VEPH1: variants seen among roughly 807,000 people sequenced by gnomAD.
VEPH1 encodes the protein ventricular zone expressed PH domain containing 1.
VEPH1 carries 80 observed loss-of-function variants against 85.2 expected under a neutral mutation model. The ratio of observed to expected loss-of-function variants is 0.94; its 90% CI spans 0.78 to 1.13. The LOEUF (loss-of-function observed/expected upper bound fraction) is 1.13. VEPH1 is among the 50% of genes most tolerant of loss of function. VEPH1 has a pLI of 0.00. For synonymous variants in VEPH1, 297 were observed against 348.0 expected (o/e 0.85, Z 1.63); for missense variants, 955 against 980.5 (o/e 0.97, Z 0.35).
At chr3:157,272,315 T>TCC (rs1202190257) in intron 12 of VEPH1, among the ~76,000 whole-genome samples, 1 of 151,042 alleles carries the variant, frequency 6.6e-6, no homozygotes, top group African/African-American at 2.4e-5. Context: ...TCTCTCTCTC[T>TCC]CCCTCTCTCT....
chr3:157,301,930 A>G (rs1052038068), intron 11 of VEPH1, among the ~76,000 whole-genome samples: 3 of 152,174 alleles, frequency 2.0e-5, no homozygotes, highest in African/African-American at 7.2e-5. Flanking sequence ...CTAAAAGACA[A>G]TTCCACTGGG....
intron 6 of VEPH1, 151 bp from the exon 7 acceptor site, chr3:157,381,527 G>T (rs1728772894): frequency 2.9e-6 from 2 of 693,750 alleles, no homozygotes; most frequent in Admixed American, 2.6e-5. Flanking sequence ...CAACCAGCCT[G>T]GGCAACATGG....
rs539939582 is a variant in VEPH1, at chr3:157,466,214, G to C, written c.354+4100C>G. Among the ~76,000 whole-genome samples, 4 of 152,020 alleles carry C rather than the reference G, an allele frequency of 2.6e-5. 1 individual carries two copies. Among genetic ancestry groups the C allele is most frequent in the South Asian group, 4.1e-4 (2 of 4,826 alleles). On this transcript the variant is annotated intron_variant, in intron 3 of 13. Coordinates refer to ENST00000362010, the MANE Select transcript of VEPH1 (RefSeq NM_001167912.2). ...GATTTTTCTAGGAGCAAAAAAAAGT[G>C]GGGGGGTGGGGATGGCCAACTCCAT... is the stretch of plus-strand genomic sequence containing the variant.
At chr3:157,400,350 A>T (rs1331605226) in intron 6 of VEPH1, among the ~76,000 whole-genome samples, 1 of 152,156 alleles carries the variant, frequency 6.6e-6, no homozygotes, top group Non-Finnish European at 1.5e-5. Flanking sequence ...AGAATGCTAA[A>T]GTAAACCCCA....
At chr3:157,342,719 T>C (rs187559978) in intron 9 of VEPH1, among the ~76,000 whole-genome samples, 101 of 152,318 alleles carry the variant, frequency 6.6e-4, no homozygotes, top group Admixed American at 5.2e-3. Context: ...TCCAACAGAA[T>C]ATACATTCTT....
chr3:157,408,270 C>G (rs747627922), intron 6 of VEPH1, among the ~76,000 whole-genome samples: 6 of 152,130 alleles, frequency 3.9e-5, no homozygotes, highest in Non-Finnish European at 5.9e-5. Flanking sequence ...TATAATGACT[C>G]CATATTCCCC....
chr3:157,280,914 G>T (rs1283155629), intron 12 of VEPH1, among the ~76,000 whole-genome samples: 1 of 152,178 alleles, frequency 6.6e-6, no homozygotes, highest in Non-Finnish European at 1.5e-5. Context: ...TGGTTAAGAT[G>T]TACAAAGATG....
At chr3:157,444,066 G>T (rs559359815) in intron 4 of VEPH1, among the ~76,000 whole-genome samples, 1 of 152,144 alleles carries the variant, frequency 6.6e-6, no homozygotes, top group Non-Finnish European at 1.5e-5. Flanking sequence ...TTACTCAGAA[G>T]GGAGAGGTCA....
chr3:157,401,292 C>A (rs1730773613), intron 6 of VEPH1, among the ~76,000 whole-genome samples: 1 of 151,860 alleles, frequency 6.6e-6, no homozygotes, highest in South Asian at 2.1e-4. Context: ...AACTTTTTGC[C>A]AGGAAAAAAG....
intron 9 of VEPH1, among the ~76,000 whole-genome samples, chr3:157,352,250 A>G (rs911850398): frequency 6.6e-6 from 1 of 152,222 alleles, no homozygotes; most frequent in Non-Finnish European, 1.5e-5. Flanking sequence ...ATTTCCAGGG[A>G]TAAGTTTCTG....
chr3:157,461,628 T>G (rs1670973496), intron 3 of VEPH1, among the ~76,000 whole-genome samples: 1 of 152,070 alleles, frequency 6.6e-6, no homozygotes, highest in African/African-American at 2.4e-5. Flanking sequence ...AATCTTACAA[T>G]AAGGACAAAA....
At chr3:157,467,125 A>ATG (rs57109409) in intron 3 of VEPH1, among the ~76,000 whole-genome samples, 27,915 of 145,320 alleles carry the variant, frequency 0.19, 2,857 homozygotes, top group East Asian at 0.38. Flanking sequence ...GTGTGTGTGT[A>ATG]TGTGTGTGTG....
chr3:157,391,244 A>T (rs746257527), intron 6 of VEPH1, among the ~76,000 whole-genome samples: 9 of 152,214 alleles, frequency 5.9e-5, no homozygotes, highest in Non-Finnish European at 1.2e-4. Flanking sequence ...GCCACTGGCC[A>T]TAGAGGTTTC....
intron 9 of VEPH1, among the ~76,000 whole-genome samples, chr3:157,329,842 C>T (rs1722317504): frequency 6.6e-6 from 1 of 152,170 alleles, no homozygotes; most frequent in Admixed American, 6.5e-5. Context: ...AGTTGAATTA[C>T]CTCTGCCTCA....
At chr3:157,272,240 TCTTC>T (rs59176910) in intron 12 of VEPH1, among the ~76,000 whole-genome samples, 11,864 of 136,532 alleles carry the variant, frequency 0.087, 664 homozygotes, top group East Asian at 0.18. Flanking sequence ...TCTCTTTTCT[TCTTC>T]CTTCCTTCCT....
Position 157,271,751 on chromosome 3 carries a change from TGGAGCTGGGCA to T in VEPH1, c.2129-6100_2129-6090del, listed in dbSNP as rs578221161. On this transcript the variant is annotated intron_variant, in intron 12 of 13. Coordinates refer to ENST00000362010, the MANE Select transcript of VEPH1 (RefSeq NM_001167912.2). ...TCACTACATGGCAGCCTGTGGGACA[TGGAGCTGGGCA>T]GGAGAGATGGAAAACAGAAGCGATC... Among the ~76,000 whole-genome samples, 39 of 152,150 alleles carry T rather than the reference TGGAGCTGGGCA, an allele frequency of 2.6e-4. 1 individual carries two copies. The highest frequency in any genetic ancestry group is 6.8e-3 in the Middle Eastern group (2 of 294).
At chr3:157,367,207 T>C (rs1036264558) in intron 7 of VEPH1, among the ~76,000 whole-genome samples, 1 of 152,246 alleles carries the variant, frequency 6.6e-6, no homozygotes, top group African/African-American at 2.4e-5. Context: ...CATTGGTAGA[T>C]TGCAAGAATC....
intron 11 of VEPH1, among the ~76,000 whole-genome samples, chr3:157,313,263 G>A (rs1346982782): frequency 6.6e-6 from 1 of 151,886 alleles, no homozygotes; most frequent in Non-Finnish European, 1.5e-5. Context: ...GGAACTACTG[G>A]CCTCATATTA....
chr3:157,357,656 C>G (rs1262609402), intron 9 of VEPH1, among the ~76,000 whole-genome samples: 2 of 152,042 alleles, frequency 1.3e-5, no homozygotes, highest in Admixed American at 6.6e-5. Flanking sequence ...CCACGCCTGG[C>G]TAATTTTTGT....
Sources: allele counts gnomAD v4.1 joint callset (sites outside exome capture counted in the v4.1 genomes callset), GRCh38; gene constraint gnomAD v4.1.1; transcripts MANE v1.5; gene names NCBI Gene and HGNC (gene_info 2026-07-23, HGNC 2026-07-21).